The following SORCS2 variants were observed in gnomAD, a reference collection of about 807,000 sequenced individuals.
SORCS2 encodes sortilin related VPS10 domain containing receptor 2.
A neutral mutation model predicts 141.6 loss-of-function variants in SORCS2; 100 were observed. The observed-to-expected ratio is 0.71, with a 90% CI of 0.60 to 0.83. SORCS2 has a LOEUF of 0.83. Among genes scored for constraint, SORCS2 ranks in the 40% least tolerant of loss-of-function variants. SORCS2 has a pLI of 0.00. For missense variants in SORCS2, 1,646 were observed against 1,560.2 expected, an observed-to-expected ratio of 1.05 and a Z score of -0.93; for synonymous variants, 789 against 676.9, an observed-to-expected ratio of 1.17 and a Z score of -2.57.
chr4:7,680,749 A>T (rs147085508), intron 9 of SORCS2, among the ~76,000 whole-genome samples: 1 of 152,208 alleles, frequency 6.6e-6, no homozygotes, highest in Non-Finnish European at 1.5e-5. Flanking sequence ...TGTGTTGATA[A>T]GACCTGGTGG....
intron 2 of SORCS2, among the ~76,000 whole-genome samples, chr4:7,489,776 C>A (rs1276119419): frequency 1.3e-5 from 2 of 152,164 alleles, no homozygotes; most frequent in Non-Finnish European, 1.5e-5. Flanking sequence ...GCCTGACAAA[C>A]CCCTGTCAAA....
intron 19 of SORCS2, among the ~76,000 whole-genome samples, chr4:7,724,413 GGAA>G (rs1726900688): frequency 3.4e-5 from 5 of 146,030 alleles, no homozygotes; most frequent in East Asian, 2.0e-4. Context: ...AGTAGTGGTG[GGAA>G]TGGATGGTGG....
intron 1 of SORCS2, among the ~76,000 whole-genome samples, chr4:7,313,797 C>G (rs1429266266): frequency 6.6e-6 from 1 of 152,188 alleles, no homozygotes; most frequent in African/African-American, 2.4e-5. Flanking sequence ...AACCCTCCAG[C>G]AGCTCCCCTG....
At chr4:7,551,456 TCGG>T (rs1713695435) in intron 3 of SORCS2, among the ~76,000 whole-genome samples, 1 of 152,160 alleles carries the variant, frequency 6.6e-6, no homozygotes. Context: ...TTATGCCACA[TCGG>T]CTGTGCATGC....
chr4:7,340,887 G>C (rs1455787617), intron 1 of SORCS2, among the ~76,000 whole-genome samples: 2 of 152,196 alleles, frequency 1.3e-5, no homozygotes, highest in East Asian at 3.9e-4. Flanking sequence ...GGTGGCTCTA[G>C]GTCTGCAGCC....
intron 1 of SORCS2, among the ~76,000 whole-genome samples, chr4:7,234,613 G>C (rs1712134321): frequency 1.3e-5 from 2 of 152,194 alleles, no homozygotes; most frequent in Non-Finnish European, 1.5e-5. Context: ...TTCCAGTCCT[G>C]GGCTCTGCAG....
At chr4:7,559,190 G>GC (rs1413073771) in intron 3 of SORCS2, among the ~76,000 whole-genome samples, 1 of 152,122 alleles carries the variant, frequency 6.6e-6, no homozygotes, top group East Asian at 1.9e-4. Context: ...GCAGCTACGT[G>GC]CCCCCCTCCA....
At chr4:7,448,602 A>C (rs1728164099) in intron 2 of SORCS2, among the ~76,000 whole-genome samples, 4 of 20,650 alleles carry the variant, frequency 1.9e-4, no homozygotes, top group African/African-American at 4.3e-4. Context: ...CTCTTCCTCT[A>C]TCCCTTCCTT....
intron 3 of SORCS2, among the ~76,000 whole-genome samples, chr4:7,618,888 G>A (rs896421732): frequency 1.3e-5 from 2 of 152,144 alleles, no homozygotes; most frequent in Admixed American, 6.5e-5. Context: ...TGGAAGTCTC[G>A]GGCGGGGGCA....
intron 14 of SORCS2, among the ~76,000 whole-genome samples, chr4:7,709,111 A>G (rs1433581177): frequency 1.3e-5 from 2 of 152,166 alleles, no homozygotes; most frequent in African/African-American, 4.8e-5. Flanking sequence ...TCCCGCCACC[A>G]GGCACTCTGC....
At chr4:7,394,433 A>T (rs1409272216) in intron 1 of SORCS2, among the ~76,000 whole-genome samples, 1 of 112,272 alleles carries the variant, frequency 8.9e-6, no homozygotes. Context: ...GGGGGCATTG[A>T]GCCCAGTGTC....
chr4:7,601,067 G>C (rs1352809914), intron 3 of SORCS2, among the ~76,000 whole-genome samples: 1 of 152,102 alleles, frequency 6.6e-6, no homozygotes, highest in Non-Finnish European at 1.5e-5. Context: ...TGTATTTTTA[G>C]CAGGAACAGG....
intron 25 of SORCS2, 94 bp from the exon 26 acceptor site, chr4:7,736,975 C>T: frequency 1.3e-6 from 2 of 1,489,466 alleles, no homozygotes; most frequent in Middle Eastern, 1.9e-4. Flanking sequence ...CCGTGCACCA[C>T]ACTCGGTGTG....
chr4:7,568,149 T>C (rs1715149710), intron 3 of SORCS2, among the ~76,000 whole-genome samples: 1 of 152,210 alleles, frequency 6.6e-6, no homozygotes, highest in African/African-American at 2.4e-5. Flanking sequence ...GCAACATCCC[T>C]AATTATCCCC....
chr4:7,706,416 G>C (rs1336669818), intron 14 of SORCS2, among the ~76,000 whole-genome samples: 15 of 129,522 alleles, frequency 1.2e-4, no homozygotes, highest in South Asian at 2.6e-4. Context: ...CCTGGACAGA[G>C]ATGAGGCTGG....
At chr4:7,430,379 CAAACAAACA>C (rs1726753154) in intron 2 of SORCS2, 2 of 152,116 alleles carry the variant, frequency 1.3e-5, no homozygotes, top group African/African-American at 4.8e-5. Context: ...AACAAACAAA[CAAACAAACA>C]AAACAAAAAC....
chr4:7,474,190 A>G (rs1730150097), intron 2 of SORCS2, among the ~76,000 whole-genome samples: 1 of 152,066 alleles, frequency 6.6e-6, no homozygotes, highest in African/African-American at 2.4e-5. Flanking sequence ...TGAATGAATG[A>G]GTGGATGGAT....
At chr4:7,455,397 G>C (rs1230382727) in intron 2 of SORCS2, among the ~76,000 whole-genome samples, 2 of 123,352 alleles carry the variant, frequency 1.6e-5, no homozygotes, top group Non-Finnish European at 3.3e-5. Flanking sequence ...GTCAGGTGCT[G>C]TGTTGGGGTC....
In SORCS2 at chr4:7,247,699, C is replaced by T. The variant is rs952305977; in HGVS notation, c.480+54573C>T. 5.9e-5 allele frequency among the ~76,000 whole-genome samples: 9 copies of T among 152,296 alleles called. No homozygotes were observed. The East Asian group carries it at 9.7e-4, about 16-fold the overall frequency. On this transcript the variant is annotated intron_variant, in intron 1 of 26. Coordinates refer to ENST00000507866, the MANE Select transcript of SORCS2 (RefSeq NM_020777.3). Reference sequence around the variant, plus strand: ...AGAGTGCTGGAGGTGGGCAGCGGGGCGCGGCCTGGGGGACCTGGCGACCCT... The same window carrying T: ...AGAGTGCTGGAGGTGGGCAGCGGGGTGCGGCCTGGGGGACCTGGCGACCCT...
Sources: allele counts gnomAD v4.1 joint callset (sites outside exome capture counted in the v4.1 genomes callset), GRCh38; gene constraint gnomAD v4.1.1; transcripts MANE v1.5; gene names NCBI Gene and HGNC (gene_info 2026-07-23, HGNC 2026-07-21).